GCN1: variants seen among roughly 807,000 people sequenced by gnomAD.
GCN1 encodes stalled ribosome sensor GCN1.
Under a neutral mutation model 288.4 loss-of-function variants are expected in GCN1, and 90 were observed. The observed-to-expected ratio is 0.31, with a 90% CI of 0.26 to 0.37. The LOEUF is 0.37. Among genes scored for constraint, GCN1 ranks in the 10% least tolerant of loss-of-function variants. The pLI, the probability that GCN1 is intolerant of heterozygous loss-of-function variation, is 1.00. For synonymous variants in GCN1, 1,386 were observed against 1,420.2 expected (o/e 0.98, Z 0.54); for missense variants, 2,586 against 3,419.9 (o/e 0.76, Z 6.08).
At chr12:120,169,156 G>A (rs954436795) in intron 15 of GCN1, among the ~76,000 whole-genome samples, 11 of 151,916 alleles carry the variant, frequency 7.2e-5, no homozygotes, top group African/African-American at 2.2e-4. Context: ...TTAGCCGCGC[G>A]TGGCGGCGTA....
In GCN1 at chr12:120,178,538, G is replaced by A. The variant is rs555498128; in HGVS notation, c.660+87C>T. ...AAGGTCAACAGCTAGGGTCACCAGG[G>A]CAAAGCAGGTTCCCATTCCTTCCCT... On this transcript the variant is annotated intron_variant, in intron 7 of 57. Transcript: ENST00000300648. The A allele has an allele frequency of 3.7e-6, 5 of 1,368,184 alleles. No homozygotes were observed. In the Admixed American group the frequency reaches 6.8e-5, roughly 19 times the overall value. The allele number at this position is 1,368,184 out of a possible 1,614,324, so 84.8% of individuals were successfully genotyped here. A position where few individuals can be genotyped will look rare whatever the true frequency, so the allele number is the denominator to read the frequency against.
At chr12:120,159,228 C>A (rs1343522133) in intron 24 of GCN1, among the ~76,000 whole-genome samples, 10 of 152,100 alleles carry the variant, frequency 6.6e-5, no homozygotes, top group Non-Finnish European at 1.5e-5. Flanking sequence ...CGCAACAAGC[C>A]CAGACAGCCA....
At position 120,153,026 on chromosome 12, in the gene GCN1, C is replaced by T. The variant is rs1877618132; in HGVS notation, c.4062+187G>A. On this transcript the variant is annotated intron_variant, in intron 33 of 57. Coordinates refer to ENST00000300648, the MANE Select transcript of GCN1 (RefSeq NM_006836.2). This position sits in a 1 kb window ranked among gnomAD's most constrained non-coding sequence, Gnocchi z 4.4. ...CTACTAGAACAAAGTAACAAAGAAA[C>T]TCCCTCTCCAGGAGTGTTCCTGACT... Among the ~76,000 whole-genome samples the T allele has an allele frequency of 6.6e-6, 1 of 152,154 alleles. No individual in the cohort carries two copies. Among genetic ancestry groups the T allele is most frequent in the Admixed American group, 6.5e-5 (1 of 15,270 alleles).
At position 120,178,511 on chromosome 12, in the gene GCN1, A is replaced by C. The variant is rs928202331; in HGVS notation, c.660+114T>G. Reference sequence around the variant, plus strand: ...ACATGAGAAAACCAACAAGTTTCAGATAAGGTCAACAGCTAGGGTCACCAG... The same window carrying C: ...ACATGAGAAAACCAACAAGTTTCAGCTAAGGTCAACAGCTAGGGTCACCAG... On this transcript the variant is annotated intron_variant, in intron 7 of 57. Transcript: ENST00000300648. The C allele has an allele frequency of 2.1e-5, 22 of 1,030,742 alleles. 1 individual carries two copies. Among genetic ancestry groups the C allele is most frequent in the Non-Finnish European group, 3.1e-5 (21 of 672,848 alleles). 63.8% of individuals were successfully genotyped at this position (1,030,742 alleles called of 1,614,324 possible).
intron 47 of GCN1, 60 bp downstream of exon 47, chr12:120,138,263 A>T: frequency 8.9e-7 from 1 of 1,126,580 alleles, no homozygotes; most frequent in Non-Finnish European, 1.4e-6. Context: ...TCTTCACTGC[A>T]GGCCCTGGAA....
chr12:120,130,586 C>T, intron 56 of GCN1, 60 bp downstream of exon 56: 1 of 1,130,382 alleles, frequency 8.8e-7, no homozygotes. Context: ...GGTCTCTGAT[C>T]CTAGGACCTC....
chr12:120,127,625 C>A lies in GCN1; in HGVS notation c.*224G>T. On this transcript the variant is annotated 3_prime_UTR_variant, in exon 58 of 58. Transcript: ENST00000300648. ...GGGCTGCCATTTGCTGAGGCGCATG[C>A]GTGTGCTTTTCCTTCTCTTCTCCAC... is the stretch of plus-strand genomic sequence containing the variant. The A allele has an allele frequency of 1.9e-6, 1 of 528,940 alleles. No homozygotes were observed. Among genetic ancestry groups the A allele is most frequent in the South Asian group, 2.1e-5 (1 of 47,264 alleles). 32.8% of individuals were successfully genotyped at this position (528,940 alleles called of 1,614,324 possible).
At position 120,149,598 on chromosome 12, in the gene GCN1, G is replaced by C; in HGVS notation, c.4546+8C>G. The C allele has an allele frequency of 4.4e-6, 7 of 1,582,080 alleles. No homozygotes were observed. Among genetic ancestry groups the C allele is most frequent in the Non-Finnish European group, 6.1e-6 (7 of 1,151,202 alleles). Reference sequence around the variant, plus strand: ...AGCTGGGAAGAGAGGCAGAGCGAGTGGTCTTACCAGCTTTGGTCCGCCACG... The same window carrying C: ...AGCTGGGAAGAGAGGCAGAGCGAGTCGTCTTACCAGCTTTGGTCCGCCACG... On this transcript the variant is annotated splice_region_variant and intron_variant, in intron 36 of 57. Coordinates refer to ENST00000300648, the MANE Select transcript of GCN1 (RefSeq NM_006836.2).
At chr12:120,189,626 C>T (rs1265956171) in intron 2 of GCN1, among the ~76,000 whole-genome samples, 2 of 152,094 alleles carry the variant, frequency 1.3e-5, no homozygotes, top group Non-Finnish European at 2.9e-5. Context: ...CTCAGCCTCC[C>T]AAAGTGCTGG....
chr12:120,160,234 T>C lies in GCN1; in HGVS notation c.2458A>G (p.Ile820Val). Reference protein sequence around the residue: ...LKEEIKKKKGIKEEVQLTSKQ... With the variant: ...LKEEIKKKKGVKEEVQLTSKQ... Reference sequence around the variant, plus strand: ...CTGGTCAGCTGCACCTCCTCTTTGATGCCTTTCTTCTTCTTTATCTCCTAA... The same window carrying C: ...CTGGTCAGCTGCACCTCCTCTTTGACGCCTTTCTTCTTCTTTATCTCCTAA... The change falls in exon 23 of 58, where the codon ATC (isoleucine) becomes GTC (valine). Residue 820 changes from isoleucine (I) to valine (V), a missense_variant. Physicochemically the swap from Ile to Val is conservative, Grantham distance 29. This residue lies in a region of GCN1 where 913 missense variants were observed against 1,107.0 expected (regional missense o/e 0.82). Coordinates refer to ENST00000300648, the MANE Select transcript of GCN1 (RefSeq NM_006836.2). 6.2e-7 allele frequency: 1 copy of C among 1,612,112 alleles called. No homozygotes were observed. Among genetic ancestry groups the C allele is most frequent in the Non-Finnish European group, 8.5e-7 (1 of 1,179,598 alleles).
At position 120,130,651 on chromosome 12, in the gene GCN1, C is replaced by T. The variant is rs200903918; in HGVS notation, c.7666G>A (p.Val2556Ile). 20 of 1,610,152 alleles carry T rather than the reference C, an allele frequency of 1.2e-5. No individual in the cohort carries two copies. Among genetic ancestry groups the T allele is most frequent in the East Asian group, 2.2e-5 (1 of 44,852 alleles). Residue 2556 changes from valine to isoleucine, a missense_variant, in exon 56 of 58, where the codon GTT becomes ATT. By Grantham distance (29) the Val-to-Ile change is conservative (BLOSUM62 3). Around this residue, in one of 8 missense-constraint regions of GCN1, gnomAD observed 355 missense variants for 431.1 expected, o/e 0.82. Coordinates refer to ENST00000300648, the MANE Select transcript of GCN1 (RefSeq NM_006836.2). Reference protein sequence around the residue: ...QLPAKLSSLFVKCLQNPSSDI... With the variant: ...QLPAKLSSLFIKCLQNPSSDI... ...CATGCTTGGCCCCCACTCACCTTAA[C>T]GAACAGGCTGGAAAGTTTGGCCGGC...
Position 120,170,280 on chromosome 12 carries a change from T to C in GCN1, c.1408A>G (p.Ile470Val). 1.2e-6 allele frequency: 2 copies of C among 1,614,072 alleles called. No individual in the cohort carries two copies. The highest frequency in any genetic ancestry group is 1.7e-6 in the Non-Finnish European group (2 of 1,179,964). The change falls in exon 15 of 58, where the codon ATC (isoleucine) becomes GTC (valine). Residue 470 changes from isoleucine (I) to valine (V), a missense_variant. By Grantham distance (29) the Ile-to-Val change is conservative (BLOSUM62 3). Transcript: ENST00000300648. ...LQALDLLPLL[I>V]QTVEKAASQS... The stretch of plus-strand genomic sequence containing the variant: ...GAGGCTGCCTTCTCCACTGTCTGGA[T>C]GAGCAAGGGCAGTAAGTCCAGGGCC...
chr12:120,171,622 A>C (rs1487196229), intron 14 of GCN1, among the ~76,000 whole-genome samples: 2 of 152,200 alleles, frequency 1.3e-5, no homozygotes, highest in African/African-American at 4.8e-5. Context: ...GAATCCAAGA[A>C]ATCTTTATTA....
At chr12:120,161,687 C>G (rs889895358) in intron 21 of GCN1, 104 bp from the exon 22 acceptor site, 3 of 948,402 alleles carry the variant, frequency 3.2e-6, no homozygotes, top group African/African-American at 3.2e-5. Context: ...CACTGTGCAC[C>G]AGCACAGTGC....
At chr12:120,157,775 G>T in intron 26 of GCN1, 74 bp downstream of exon 26, 1 of 1,203,006 alleles carries the variant, frequency 8.3e-7, no homozygotes, top group South Asian at 1.4e-5. Context: ...CTGTTCATGA[G>T]ACAAAACGTG....
chr12:120,149,932 T>C lies in GCN1; in HGVS notation c.4421A>G (p.Tyr1474Cys), dbSNP rs1046816124. 2 of 1,614,132 alleles carry C rather than the reference T, an allele frequency of 1.2e-6. No homozygotes were observed. The highest frequency in any genetic ancestry group is 1.7e-6 in the Non-Finnish European group (2 of 1,180,016). Residue 1474 changes from tyrosine (Y) to cysteine (C), a missense_variant, in exon 35 of 58, where the codon TAT becomes TGT. By Grantham distance (194) the Tyr-to-Cys change is radical. This residue lies in a region of GCN1 where 371 missense variants were observed against 572.6 expected (regional missense o/e 0.65). Coordinates refer to ENST00000300648, the MANE Select transcript of GCN1 (RefSeq NM_006836.2). ...LLLCFGDGNQ[Y>C]VREAADDCAK... ...AGTCCGGGGACTTACCTCACGCACA[T>C]ACTGGTTTCCATCCCCAAAGCACAG...
chr12:120,137,856 C>G lies in GCN1; in HGVS notation c.6394-42G>C, dbSNP rs756728776. On this transcript the variant is annotated intron_variant, in intron 48 of 57. Transcript: ENST00000300648. This position sits in a 1 kb window ranked among gnomAD's most constrained non-coding sequence, Gnocchi z 5.2. ...ACATGTGTGCTGAGCAGGGATCCTC[C>G]GGGCAGACGGGACATGAGAAAGCAG... The G allele has an allele frequency of 2.5e-6, 4 of 1,612,752 alleles. No individual in the cohort carries two copies. In the Admixed American group the frequency reaches 6.7e-5, roughly 27 times the overall value.
intron 22 of GCN1, 149 bp from the exon 23 acceptor site, chr12:120,160,404 A>C: frequency 6.6e-6 from 4 of 609,184 alleles, no homozygotes; most frequent in Admixed American, 2.7e-5. Context: ...TGCACCCCCA[A>C]CCTCCCACAA....
At position 120,162,912 on chromosome 12, in the gene GCN1, C is replaced by A; in HGVS notation, c.2098G>T (p.Ala700Ser). ...TGATCCAGGTGCCTGGTGATAAAGG[C>A]TTCAGGATCGATCTTCATCCTGGCA... ...LLARMKIDPEAFITRHLDQII... is the reference protein window; with the variant it reads ...LLARMKIDPESFITRHLDQII... Residue 700 changes from alanine to serine, a missense_variant, in exon 20 of 58, where the codon GCC becomes TCC. This residue lies in a region of GCN1 where 913 missense variants were observed against 1,107.0 expected (regional missense o/e 0.82). Transcript: ENST00000300648. The A allele has an allele frequency of 5.0e-6, 8 of 1,614,178 alleles. No homozygotes were observed. The highest frequency in any genetic ancestry group is 5.9e-6 in the Non-Finnish European group (7 of 1,180,012).
Sources: allele counts gnomAD v4.1 joint callset (sites outside exome capture counted in the v4.1 genomes callset), GRCh38; gene constraint gnomAD v4.1.1; regional missense constraint gnomAD v4.1.1; non-coding constraint Gnocchi (gnomAD v3.1); transcripts MANE v1.5; gene names NCBI Gene and HGNC (gene_info 2026-07-23, HGNC 2026-07-21).